DHRSX: variants seen among roughly 807,000 people sequenced by gnomAD.
DHRSX encodes the protein polyprenol dehydrogenase.
DHRSX carries 31 observed loss-of-function variants against 34.0 expected under a neutral mutation model. That is an observed-to-expected ratio of 0.91 (90% CI 0.69 to 1.23). The LOEUF (loss-of-function observed/expected upper bound fraction) is 1.23, where lower values mean the gene tolerates loss of function less well. Among genes scored for constraint, DHRSX ranks in the 50% most tolerant of loss-of-function variants. DHRSX has a pLI of 0.00. For missense variants in DHRSX, 414 were observed against 428.1 expected, an observed-to-expected ratio of 0.97 and a Z score of 0.29; for synonymous variants, 201 against 183.8, an observed-to-expected ratio of 1.09 and a Z score of -0.76.
At chrX:2,416,138 C>T (rs1187174497) in intron 2 of DHRSX, among the ~76,000 whole-genome samples, 1 of 152,028 alleles carries the variant, frequency 6.6e-6, no homozygotes, top group Admixed American at 6.6e-5. Context: ...TAGATCTCGT[C>T]ATGACCTAAT....
intron 3 of DHRSX, among the ~76,000 whole-genome samples, chrX:2,328,295 A>G (rs763199497): frequency 6.6e-6 from 1 of 151,972 alleles, no homozygotes; most frequent in East Asian, 1.9e-4. Context: ...CTGTGATAGC[A>G]GCCTGAAATG....
rs781175195 is a variant in DHRSX, at chrX:2,412,196, T to TG, written c.218-3384dup. On this transcript the variant is annotated intron_variant, in intron 2 of 6. Transcript: ENST00000334651. ...TGCCTTCTGCTTCATCCTTTGTATT[T>TG]GGGGGGGCAGGGGAGGGCGTTACAT... 1.1e-4 allele frequency among the ~76,000 whole-genome samples: 17 copies of TG among 152,040 alleles called. 1 individual carries two copies. The East Asian group carries it at 2.7e-3, about 24-fold the overall frequency.
chrX:2,248,425 T>G (rs1408379852), intron 5 of DHRSX, among the ~76,000 whole-genome samples: 4 of 110,070 alleles, frequency 3.6e-5, no homozygotes, highest in African/African-American at 1.2e-4. Flanking sequence ...AGAGCGAGAC[T>G]CTGTCTCAAA....
chrX:2,481,048 T>C (rs1348533945), intron 1 of DHRSX, among the ~76,000 whole-genome samples: 1 of 152,178 alleles, frequency 6.6e-6, no homozygotes, highest in Non-Finnish European at 1.5e-5. Context: ...GTTAATTAGC[T>C]TGAATGTTAA....
intron 1 of DHRSX, among the ~76,000 whole-genome samples, chrX:2,474,975 G>C (rs767545700): frequency 9.9e-5 from 15 of 151,492 alleles, no homozygotes; most frequent in African/African-American, 3.2e-4. Flanking sequence ...CCCTAGGCAT[G>C]TGGCCAAGGG....
At chrX:2,394,851 G>C (rs763993847) in intron 3 of DHRSX, among the ~76,000 whole-genome samples, 1 of 151,530 alleles carries the variant, frequency 6.6e-6, no homozygotes, top group Non-Finnish European at 1.5e-5. Flanking sequence ...GGGCAACACA[G>C]TGAGACTCCG....
intron 4 of DHRSX, among the ~76,000 whole-genome samples, chrX:2,284,351 TTC>T (rs1464545842): frequency 1.0e-5 from 1 of 100,322 alleles, no homozygotes; most frequent in African/African-American, 3.1e-5. Context: ...TTCATTTGAA[TTC>T]TTTCATTCAT....
chrX:2,350,299 C>T (rs544542381), intron 3 of DHRSX, among the ~76,000 whole-genome samples: 10 of 151,914 alleles, frequency 6.6e-5, no homozygotes, highest in East Asian at 1.9e-4. Context: ...TGCAGTGAGC[C>T]GAGATCACGC....
chrX:2,368,797 C>A (rs1237775448), intron 3 of DHRSX, among the ~76,000 whole-genome samples: 2 of 152,058 alleles, frequency 1.3e-5, no homozygotes, highest in Non-Finnish European at 2.9e-5. Context: ...TTGCAGTGAG[C>A]CAAGATTGTG....
intron 1 of DHRSX, among the ~76,000 whole-genome samples, chrX:2,482,394 G>A (rs1158043496): frequency 6.6e-6 from 1 of 151,918 alleles, no homozygotes; most frequent in African/African-American, 2.4e-5. Flanking sequence ...CTCCCAAAGT[G>A]CAGGTATTAC....
At chrX:2,481,491 C>T (rs2044769957) in intron 1 of DHRSX, among the ~76,000 whole-genome samples, 3 of 151,912 alleles carry the variant, frequency 2.0e-5, no homozygotes, top group Non-Finnish European at 2.9e-5. Flanking sequence ...TGTACTGAAA[C>T]CCCGTCTCTA....
chrX:2,327,132 C>T (rs1335697649), intron 3 of DHRSX, among the ~76,000 whole-genome samples: 1 of 152,180 alleles, frequency 6.6e-6, no homozygotes, highest in African/African-American at 2.4e-5. Flanking sequence ...TTTCTATTAG[C>T]TTTCAACAAC....
intron 1 of DHRSX, among the ~76,000 whole-genome samples, chrX:2,490,999 G>T (rs7063731): frequency 9.9e-5 from 15 of 151,918 alleles, no homozygotes; most frequent in African/African-American, 3.6e-4. Context: ...GATGCCGCAC[G>T]TGTCAACATA....
At chrX:2,458,447 G>A (rs2044342922) in intron 1 of DHRSX, among the ~76,000 whole-genome samples, 1 of 152,158 alleles carries the variant, frequency 6.6e-6, no homozygotes, top group Non-Finnish European at 1.5e-5. Flanking sequence ...TCAATCAACA[G>A]ATAAGTGCAT....
chrX:2,231,590 C>T (rs900416295), intron 6 of DHRSX, among the ~76,000 whole-genome samples: 35 of 96,546 alleles, frequency 3.6e-4, no homozygotes, highest in Admixed American at 1.1e-3. Context: ...ATCGTATCCT[C>T]CTTTTTCTTT....
At position 2,291,609 on chromosome X, in the gene DHRSX, A is replaced by C; in HGVS notation, c.287-6T>G. 1 of 1,607,314 alleles carries C rather than the reference A, an allele frequency of 6.2e-7. No individual in the cohort carries two copies. Among genetic ancestry groups the C allele is most frequent in the South Asian group, 1.1e-5 (1 of 90,936 alleles). On this transcript the variant is annotated splice_polypyrimidine_tract_variant and splice_region_variant and intron_variant, in intron 3 of 6. Transcript: ENST00000334651. ...GTCACAGTATAAAAATTCCACTGGA[A>C]AAGGACAACAACAAAAAATACCTGG...
intron 4 of DHRSX, among the ~76,000 whole-genome samples, chrX:2,268,144 T>G (rs1255208948): frequency 1.3e-5 from 2 of 152,176 alleles, no homozygotes. Context: ...CTTGACATGT[T>G]CTATCTACCA....
At chrX:2,315,535 A>C (rs2042232063) in intron 3 of DHRSX, among the ~76,000 whole-genome samples, 1 of 152,122 alleles carries the variant, frequency 6.6e-6, no homozygotes, top group Non-Finnish European at 1.5e-5. Context: ...GAACCTAGCG[A>C]ATATAGATGC....
intron 5 of DHRSX, among the ~76,000 whole-genome samples, chrX:2,255,506 T>A (rs1423719107): frequency 6.6e-6 from 1 of 152,114 alleles, no homozygotes; most frequent in African/African-American, 2.4e-5. Context: ...TTACATAAGT[T>A]GAGAAACTCA....
Sources: allele counts gnomAD v4.1 joint callset (sites outside exome capture counted in the v4.1 genomes callset), GRCh38; gene constraint gnomAD v4.1.1; transcripts MANE v1.5; gene names NCBI Gene and HGNC (gene_info 2026-07-23, HGNC 2026-07-21).